The following FBXW7 variants were observed in gnomAD, a reference collection of about 807,000 sequenced individuals.
The protein encoded by FBXW7 is F-box/WD repeat-containing protein 7.
FBXW7 carries 11 observed loss-of-function variants against 86.3 expected under a neutral mutation model. The observed-to-expected ratio is 0.13, with a 90% CI of 0.08 to 0.21. The LOEUF (loss-of-function observed/expected upper bound fraction) is 0.21, where lower values mean the gene tolerates loss of function less well. FBXW7 is among the 10% of genes least tolerant of loss of function. The pLI is 1.00. For missense variants in FBXW7, 488 were observed against 847.4 expected (o/e 0.58, Z 5.27); for synonymous variants, 313 against 297.9 (o/e 1.05, Z -0.52).
intron 2 of FBXW7, among the ~76,000 whole-genome samples, chr4:152,423,241 T>C (rs553484855): frequency 3.0e-4 from 46 of 152,324 alleles, no homozygotes; most frequent in African/African-American, 1.1e-3. Flanking sequence ...TTCTTTTTAA[T>C]TTATTAAAAG....
At chr4:152,461,071 G>A (rs911988591) in intron 2 of FBXW7, among the ~76,000 whole-genome samples, 3 of 152,034 alleles carry the variant, frequency 2.0e-5, no homozygotes, top group Admixed American at 1.3e-4. Flanking sequence ...ACCTGAGGTC[G>A]GGAGGGAGTT....
chr4:152,480,486 TGAAAA>T (rs1043164260), intron 2 of FBXW7, among the ~76,000 whole-genome samples: 13 of 152,082 alleles, frequency 8.5e-5, no homozygotes, highest in Middle Eastern at 3.4e-3. Flanking sequence ...AGTGTTGGAG[TGAAAA>T]GAAGAGTCAC....
intron 8 of FBXW7, 151 bp downstream of exon 8, chr4:152,332,445 G>T: frequency 1.7e-6 from 1 of 596,704 alleles, no homozygotes; most frequent in Non-Finnish European, 2.4e-6. Context: ...AAAGGGGTTA[G>T]CTGTTAAGAT....
At position 152,519,441 on chromosome 4, in the gene FBXW7, T is replaced by C. The variant is rs187661868; in HGVS notation, c.-120+15500A>G. Among the ~76,000 whole-genome samples the C allele has an allele frequency of 1.5e-4, 23 of 151,964 alleles. No homozygotes were observed. The East Asian group carries it at 4.0e-3, about 27-fold the overall frequency. The stretch of plus-strand genomic sequence containing the variant: ...ATAGGTTTTCAAATCCTAAATAATG[T>C]ATTTGAGGCTCATCCTGAAATAATC... On this transcript the variant is annotated intron_variant, in intron 2 of 13. Coordinates refer to ENST00000281708, the MANE Select transcript of FBXW7 (RefSeq NM_001349798.2).
chr4:152,378,507 TGTCTATAAACC>T (rs1387939048), intron 4 of FBXW7, among the ~76,000 whole-genome samples: 1 of 152,146 alleles, frequency 6.6e-6, no homozygotes, highest in East Asian at 1.9e-4. Flanking sequence ...ATACAATATT[TGTCTATAAACC>T]AGCAGTCAAA....
At chr4:152,465,758 C>T (rs1215656265) in intron 2 of FBXW7, among the ~76,000 whole-genome samples, 5 of 150,944 alleles carry the variant, frequency 3.3e-5, no homozygotes, top group African/African-American at 9.8e-5. Context: ...ACAGGAGAAT[C>T]GCTTGAACCC....
At chr4:152,508,940 T>G (rs1157682974) in intron 2 of FBXW7, among the ~76,000 whole-genome samples, 1 of 152,062 alleles carries the variant, frequency 6.6e-6, no homozygotes, top group Non-Finnish European at 1.5e-5. Context: ...TAAATAAGAT[T>G]CATAAAATCA....
At position 152,322,059 on chromosome 4, in the gene FBXW7, AT is replaced by A. The variant is rs1421822094; in HGVS notation, c.*821del. On this transcript the variant is annotated 3_prime_UTR_variant, in exon 14 of 14. Coordinates refer to ENST00000281708, the MANE Select transcript of FBXW7 (RefSeq NM_001349798.2). ...CACAGCAGAAAAAAAATAAAAAAAA[AT>A]AATTTGCTTTTTTCTTTCTTTCATT... is the stretch of plus-strand genomic sequence containing the variant. 3.0e-5 allele frequency: 7 copies of A among 233,196 alleles called. No individual in the cohort carries two copies. Among genetic ancestry groups the A allele is most frequent in the South Asian group, 1.8e-4 (1 of 5,524 alleles). The allele number at this position is 233,196 out of a possible 1,614,324, so 14.4% of individuals were successfully genotyped here.
intron 4 of FBXW7, among the ~76,000 whole-genome samples, chr4:152,400,124 TAG>T (rs1736783284): frequency 6.6e-6 from 1 of 152,106 alleles, no homozygotes; most frequent in South Asian, 2.1e-4. Context: ...TGGAACAGAA[TAG>T]AGAGACCAGA....
At chr4:152,465,960 C>T (rs1359117285) in intron 2 of FBXW7, among the ~76,000 whole-genome samples, 2 of 151,848 alleles carry the variant, frequency 1.3e-5, no homozygotes, top group East Asian at 3.9e-4. Context: ...GATCCTAGCA[C>T]TATAAAATCT....
chr4:152,384,136 T>C (rs1485033552), intron 4 of FBXW7, among the ~76,000 whole-genome samples: 1 of 152,068 alleles, frequency 6.6e-6, no homozygotes, highest in African/African-American at 2.4e-5. Flanking sequence ...TCCTCAACAA[T>C]TTAAACATAA....
intron 9 of FBXW7, among the ~76,000 whole-genome samples, chr4:152,330,468 A>G (rs1224191541): frequency 2.8e-4 from 42 of 152,008 alleles, no homozygotes; most frequent in Admixed American, 2.8e-3. Flanking sequence ...AGTAAAATTC[A>G]ATAGGATATT....
At chr4:152,496,043 GAC>G (rs1287975297) in intron 2 of FBXW7, among the ~76,000 whole-genome samples, 3 of 152,128 alleles carry the variant, frequency 2.0e-5, no homozygotes, top group Admixed American at 6.5e-5. Context: ...TGGGTGTGGT[GAC>G]ATGCACCTGT....
At chr4:152,343,667 A>G (rs1730964093) in intron 6 of FBXW7, among the ~76,000 whole-genome samples, 1 of 152,188 alleles carries the variant, frequency 6.6e-6, no homozygotes. Context: ...ACCCAGTCTG[A>G]AAAGTTTAAG....
At chr4:152,354,356 A>G (rs1389117418) in intron 4 of FBXW7, among the ~76,000 whole-genome samples, 1 of 152,070 alleles carries the variant, frequency 6.6e-6, no homozygotes, top group Non-Finnish European at 1.5e-5. Context: ...AAAAAATCTA[A>G]TTGTTAGGAA....
chr4:152,519,827 C>T (rs1161059423), intron 2 of FBXW7, among the ~76,000 whole-genome samples: 1 of 152,168 alleles, frequency 6.6e-6, no homozygotes, highest in African/African-American at 2.4e-5. Flanking sequence ...TGATTAAAAG[C>T]ATAGACCATG....
At chr4:152,528,847 T>G (rs928986701) in intron 2 of FBXW7, among the ~76,000 whole-genome samples, 27 of 152,146 alleles carry the variant, frequency 1.8e-4, no homozygotes, top group Admixed American at 1.7e-3. Context: ...AAATATTTTG[T>G]AAGGTCTTTT....
At chr4:152,483,008 C>A (rs986532022) in intron 2 of FBXW7, among the ~76,000 whole-genome samples, 1 of 152,038 alleles carries the variant, frequency 6.6e-6, no homozygotes, top group African/African-American at 2.4e-5. Context: ...AGATCTTATT[C>A]TTTTTAATCA....
intron 4 of FBXW7, among the ~76,000 whole-genome samples, chr4:152,367,811 TAG>T (rs1160648043): frequency 1.3e-5 from 2 of 152,066 alleles, no homozygotes; most frequent in Non-Finnish European, 2.9e-5. Flanking sequence ...TATATAGATG[TAG>T]ACATTTTAAG....
Sources: gnomAD v4.1 joint callset for allele counts (sites outside exome capture counted in the v4.1 genomes callset) on GRCh38, gnomAD v4.1.1 for gene constraint, MANE v1.5 for transcripts, NCBI Gene and HGNC (gene_info 2026-07-23, HGNC 2026-07-21) for gene names.